The following ZNF658 variants were observed in gnomAD, a reference collection of about 807,000 sequenced individuals.
ZNF658 encodes the protein zinc finger protein 658.
A neutral mutation model predicts 78.0 loss-of-function variants in ZNF658; 46 were observed. The observed-to-expected ratio is 0.59, with a 90% confidence interval of 0.47 to 0.75. The LOEUF (loss-of-function observed/expected upper bound fraction) is 0.75. ZNF658 is among the 30% of genes least tolerant of loss of function. The probability of loss-of-function intolerance (pLI) is 0.00; values close to 1 mark genes in which losing one functional copy is unlikely to be tolerated. For synonymous variants in ZNF658, 279 were observed against 408.4 expected, an observed-to-expected ratio of 0.68 and a Z score of 3.82; for missense variants, 785 against 1,189.3, an observed-to-expected ratio of 0.66 and a Z score of 5.00.
chr9:66,905,068 CT>C (rs1165611922), intron 2 of ZNF658, among the ~76,000 whole-genome samples: 177 of 31,760 alleles, frequency 5.6e-3, no homozygotes, highest in African/African-American at 0.026. Flanking sequence ...TTTTTCTTTT[CT>C]TTTTTTTTTT....
intron 1 of ZNF658, 28 bp downstream of exon 1, chr9:66,900,864 G>A (rs1037359902): frequency 6.6e-6 from 1 of 152,128 alleles, no homozygotes; most frequent in African/African-American, 2.4e-5. Flanking sequence ...AGGGCTCCGC[G>A]CGGCCCAGGA....
At chr9:66,926,443 A>C (rs1256379154) in intron 6 of ZNF658, among the ~76,000 whole-genome samples, 2 of 151,924 alleles carry the variant, frequency 1.3e-5, no homozygotes, top group African/African-American at 4.8e-5. Context: ...AACTCTCTGA[A>C]AGAAAATTAG....
Position 66,919,014 on chromosome 9 carries a change from G to A in ZNF658, c.1448G>A (p.Gly483Glu), listed in dbSNP as rs1822426628. The A allele has an allele frequency of 4.1e-6, 4 of 970,544 alleles. No individual in the cohort carries two copies. The highest frequency in any genetic ancestry group is 6.0e-6 in the Non-Finnish European group (4 of 664,674). 60.1% of individuals were successfully genotyped at this position (970,544 alleles called of 1,614,324 possible). The change falls in exon 5 of 5, where the codon GGA (glycine) becomes GAA (glutamate). Residue 483 changes from glycine (G) to glutamate (E), a missense_variant. Around this residue, in one of 12 missense-constraint regions of ZNF658, gnomAD observed 393 missense variants for 400.2 expected, o/e 0.98. Coordinates refer to ENST00000621410, the MANE Select transcript of ZNF658 (RefSeq NM_033160.7). ...AGATCTTACAAGTCACCCCTCATAG[G>A]ACACCAGAAAACAGATGCAGAGATG... Reference protein sequence around the residue: ...CGRSYKSPLIGHQKTDAEMEL... With the variant: ...CGRSYKSPLIEHQKTDAEMEL...
Position 66,918,363 on chromosome 9 carries a change from G to A in ZNF658, c.797G>A (p.Arg266Lys), listed in dbSNP as rs560970467. 6.2e-6 allele frequency: 10 copies of A among 1,613,844 alleles called. No individual in the cohort carries two copies. The highest frequency in any genetic ancestry group is 5.3e-5 in the African/African-American group (4 of 74,980). Residue 266 changes from arginine to lysine, a missense_variant, in exon 5 of 5, where the codon AGG (arginine) becomes AAG (lysine). Around this residue, in one of 12 missense-constraint regions of ZNF658, gnomAD observed 393 missense variants for 400.2 expected, o/e 0.98. Coordinates refer to ENST00000621410, the MANE Select transcript of ZNF658 (RefSeq NM_033160.7). ...TLFNHMRTDT[R>K]GKCSDLNEYG... ...TTTAACCACATGAGAACTGACACAA[G>A]GGGGAAATGCTCTGATCTTAATGAA...
At chr9:66,921,864 A>T (rs1341793023), downstream of ZNF658, among the ~76,000 whole-genome samples, 2 of 149,708 alleles carry the variant, frequency 1.3e-5, no homozygotes, top group Non-Finnish European at 3.0e-5. Context: ...GAGAACCACT[A>T]CTCTCTTCAA....
intron 4 of ZNF658, among the ~76,000 whole-genome samples, chr9:66,909,267 T>C (rs1359529707): frequency 1.3e-5 from 2 of 151,990 alleles, no homozygotes; most frequent in East Asian, 1.9e-4. Context: ...CCCTGCCCTC[T>C]GCAGCCCTAG....
rs766547680 is a variant in ZNF658, at chr9:66,918,684, G to T, written c.1118G>T (p.Arg373Ile). Residue 373 changes from arginine to isoleucine, a missense_variant, in exon 5 of 5, where the codon AGA (arginine) becomes ATA (isoleucine). Physicochemically the swap from Arg to Ile is moderately conservative, Grantham distance 97. Coordinates refer to ENST00000621410, the MANE Select transcript of ZNF658 (RefSeq NM_033160.7). The stretch of plus-strand genomic sequence containing the variant: ...AAATTAGACTTTACAGCACATCAGA[G>T]AATTCACACAGAAGATAAATTCTAC... ...YQKLDFTAHQ[R>I]IHTEDKFYLS... 23 of 1,613,780 alleles carry T rather than the reference G, an allele frequency of 1.4e-5. No individual in the cohort carries two copies. The highest frequency in any genetic ancestry group is 5.5e-5 in the South Asian group (5 of 91,078).
At chr9:66,901,017 C>T (rs1034246033) in intron 1 of ZNF658, 181 bp downstream of exon 1, 3 of 152,208 alleles carry the variant, frequency 2.0e-5, no homozygotes, top group African/African-American at 7.2e-5. Context: ...TGCCGGGCCC[C>T]GCGGGGTTGC....
At chr9:66,922,364 G>A (rs1322701649), downstream of ZNF658, among the ~76,000 whole-genome samples, 3 of 151,820 alleles carry the variant, frequency 2.0e-5, no homozygotes, top group Admixed American at 1.3e-4. Flanking sequence ...TGTCCAACAA[G>A]CCCCAGTGAG....
rs1233166423 is a variant in ZNF658 at position 66,918,088 on chromosome 9, G to A, written c.522G>A (p.Gln174=). Residue 174 remains glutamine, a synonymous_variant, in exon 5 of 5, where the codon CAG becomes CAA. Transcript: ENST00000621410. ...TEYMNVCEKL[Q]LDIKHEKAHA... ...ACATGAATGTGTGTGAGAAACTGCA[G>A]CTTGATATTAAGCATGAGAAAGCTC... is the stretch of plus-strand genomic sequence containing the variant. 6.3e-7 allele frequency: 1 copy of A among 1,593,798 alleles called. No individual in the cohort carries two copies.
intron 6 of ZNF658, among the ~76,000 whole-genome samples, chr9:66,929,924 C>T (rs560192748): frequency 7.2e-6 from 1 of 138,534 alleles, no homozygotes; most frequent in Non-Finnish European, 1.5e-5. Flanking sequence ...GCTGGGACTA[C>T]AAGTGCCCGC....
At chr9:66,921,686 G>T (rs1822530297), downstream of ZNF658, among the ~76,000 whole-genome samples, 2 of 151,992 alleles carry the variant, frequency 1.3e-5, no homozygotes, top group South Asian at 4.2e-4. Context: ...AATGGCAAAT[G>T]TTGCTGCCTG....
rs1436216039 is a variant in ZNF658, at chr9:66,918,304, T to C, written c.738T>C (p.Asp246=). The part of the protein sequence containing the change: ...FLTGEKSCKD[D]EFRKNFDKIT... ...CAGGAGAAAAGTCCTGTAAGGATGA[T>C]GAATTTAGAAAAAACTTTGATAAAA... The change falls in exon 5 of 5, where the codon GAT becomes GAC. Residue 246 remains aspartate, a synonymous_variant. Transcript: ENST00000621410. 2 of 1,613,864 alleles carry C rather than the reference T, an allele frequency of 1.2e-6. No homozygotes were observed. The highest frequency in any genetic ancestry group is 4.5e-5 in the East Asian group (2 of 44,864).
chr9:66,931,583 T>A (rs1028551456), intron 6 of ZNF658, among the ~76,000 whole-genome samples: 1 of 150,368 alleles, frequency 6.7e-6, no homozygotes, highest in Non-Finnish European at 1.5e-5. Flanking sequence ...CTTGGTGAAA[T>A]GTATAAGGGA....
chr9:66,929,524 T>G (rs1241446141), intron 6 of ZNF658, among the ~76,000 whole-genome samples: 1 of 151,642 alleles, frequency 6.6e-6, no homozygotes, highest in East Asian at 1.9e-4. Context: ...TTTGTCCAAC[T>G]GTGTCTGGAA....
intron 2 of ZNF658, among the ~76,000 whole-genome samples, chr9:66,903,882 G>A (rs2117942257): frequency 6.6e-6 from 1 of 151,108 alleles, no homozygotes; most frequent in African/African-American, 2.5e-5. Flanking sequence ...GATTTATCAT[G>A]GAATATAAAC....
At chr9:66,914,646 T>C (rs1822291450) in intron 4 of ZNF658, among the ~76,000 whole-genome samples, 1 of 152,100 alleles carries the variant, frequency 6.6e-6, no homozygotes, top group South Asian at 2.1e-4. Context: ...TTTTTGGCAT[T>C]GATGTAGTGT....
chr9:66,916,145 C>T (rs973978313), intron 4 of ZNF658, among the ~76,000 whole-genome samples: 3 of 151,974 alleles, frequency 2.0e-5, no homozygotes, highest in Admixed American at 6.6e-5. Context: ...ACCTCAGCCT[C>T]TCAAAGTGAT....
At chr9:66,904,484 C>G (rs1366784323) in intron 2 of ZNF658, among the ~76,000 whole-genome samples, 1 of 151,830 alleles carries the variant, frequency 6.6e-6, no homozygotes, top group Admixed American at 6.6e-5. Context: ...TCTGTTGTCT[C>G]CAAATGATTT....
Sources: allele counts gnomAD v4.1 joint callset (sites outside exome capture counted in the v4.1 genomes callset), GRCh38; gene constraint gnomAD v4.1.1; regional missense constraint gnomAD v4.1.1; transcripts MANE v1.5; gene names NCBI Gene and HGNC (gene_info 2026-07-23, HGNC 2026-07-21).